FGF14: variants seen among roughly 807,000 people sequenced by gnomAD.
The protein encoded by FGF14 is fibroblast growth factor 14, also known as fibroblast growth factor homologous factor 4.
A neutral mutation model predicts 25.5 loss-of-function variants in FGF14; 5 were observed. The ratio of observed to expected loss-of-function variants is 0.20; its 90% CI spans 0.10 to 0.41. The LOEUF (loss-of-function observed/expected upper bound fraction) is 0.41. Ranked by LOEUF, FGF14 falls within the 10% of genes least tolerant of loss-of-function variation. FGF14 has a pLI of 1.00. For synonymous variants in FGF14, 138 were observed against 118.3 expected (o/e 1.17, Z -1.08); for missense variants, 222 against 320.1 (o/e 0.69, Z 2.34).
intron 1 of FGF14, among the ~76,000 whole-genome samples, chr13:102,167,622 T>G (rs1181737471): frequency 6.6e-6 from 1 of 152,174 alleles, no homozygotes; most frequent in East Asian, 1.9e-4. Context: ...ATTTTCACTG[T>G]TTTGCTACCT....
At chr13:102,031,651 T>A (rs777514702) in intron 1 of FGF14, among the ~76,000 whole-genome samples, 6 of 150,022 alleles carry the variant, frequency 4.0e-5, no homozygotes, top group Non-Finnish European at 8.9e-5. Flanking sequence ...ACAGATATAA[T>A]GAAAACATAA....
intron 3 of FGF14, among the ~76,000 whole-genome samples, chr13:101,858,229 T>TAAAAAAAA (rs35915119): frequency 7.1e-6 from 1 of 141,206 alleles, no homozygotes; most frequent in Non-Finnish European, 1.5e-5. Flanking sequence ...ATAATTATCT[T>TAAAAAAAA]AAAAAAAAAA....
intron 1 of FGF14, among the ~76,000 whole-genome samples, chr13:102,162,945 A>C (rs997723956): frequency 3.9e-5 from 6 of 152,172 alleles, no homozygotes; most frequent in African/African-American, 1.4e-4. Context: ...ACCGACACTA[A>C]GGGAGAAAAT....
chr13:102,048,099 T>C (rs1473661180), intron 1 of FGF14, among the ~76,000 whole-genome samples: 4 of 152,262 alleles, frequency 2.6e-5, no homozygotes, highest in Non-Finnish European at 5.9e-5. Flanking sequence ...AGAGTTTCTA[T>C]TCCATGAAAC....
chr13:102,400,304 C>G lies in FGF14; in HGVS notation c.208+1167G>C, dbSNP rs1209395468. ...GCGTCAGGAGCTTCCAGAGCCCGGG[C>G]TGCCACTGCGGGACGGCCGATCTGC... On this transcript the variant is annotated intron_variant, in intron 1 of 4. Transcript: ENST00000376131. The surrounding 1 kb of genome is among the most constrained non-coding windows in gnomAD (Gnocchi z 4.3). Among the ~76,000 whole-genome samples, 1 of 152,200 alleles carries G rather than the reference C, an allele frequency of 6.6e-6. No individual in the cohort carries two copies. The highest frequency in any genetic ancestry group is 1.5e-5 in the Non-Finnish European group (1 of 68,038).
At chr13:101,775,713 G>C (rs1388430019) in intron 3 of FGF14, among the ~76,000 whole-genome samples, 2 of 152,164 alleles carry the variant, frequency 1.3e-5, no homozygotes, top group Non-Finnish European at 2.9e-5. Context: ...GGATTTCCTG[G>C]AAGTTGGCAG....
At chr13:102,087,946 T>C (rs1359573404) in intron 1 of FGF14, among the ~76,000 whole-genome samples, 1 of 152,228 alleles carries the variant, frequency 6.6e-6, no homozygotes, top group Non-Finnish European at 1.5e-5. Context: ...GTTTGCCTGA[T>C]TGTAAAGCTC....
At chr13:101,857,119 C>T (rs2044166244) in intron 3 of FGF14, among the ~76,000 whole-genome samples, 1 of 151,904 alleles carries the variant, frequency 6.6e-6, no homozygotes, top group South Asian at 2.1e-4. Flanking sequence ...CAATATTCAC[C>T]AATTTATTGG....
intron 1 of FGF14, among the ~76,000 whole-genome samples, chr13:102,305,504 C>T (rs73581262): frequency 0.012 from 1,890 of 152,152 alleles, 39 homozygotes; most frequent in African/African-American, 0.043. Context: ...AATATCAAGA[C>T]CAGGACTAAA....
intron 1 of FGF14, among the ~76,000 whole-genome samples, chr13:102,247,090 C>T (rs372676317): frequency 1.1e-4 from 16 of 151,782 alleles, no homozygotes; most frequent in African/African-American, 2.2e-4. Flanking sequence ...AAGTTCAAGA[C>T]GGATTAAGAA....
chr13:102,175,969 G>C (rs536606571), intron 1 of FGF14, among the ~76,000 whole-genome samples: 41 of 152,114 alleles, frequency 2.7e-4, no homozygotes, highest in African/African-American at 9.6e-4. Flanking sequence ...ATTGTCGGTG[G>C]GAATGTAAAT....
intron 1 of FGF14, among the ~76,000 whole-genome samples, chr13:102,388,194 A>G (rs2058350235): frequency 6.6e-6 from 1 of 152,232 alleles, no homozygotes; most frequent in African/African-American, 2.4e-5. Context: ...TCAATACTAC[A>G]AAGTTGTTCA....
intron 1 of FGF14, among the ~76,000 whole-genome samples, chr13:102,012,644 A>G (rs1472694467): frequency 6.6e-6 from 1 of 152,176 alleles, no homozygotes; most frequent in African/African-American, 2.4e-5. Flanking sequence ...ACAAAGCAAA[A>G]CAAGTTAAAA....
At chr13:101,903,238 G>GGTGTGTGTGTGTGT (rs3065974) in intron 1 of FGF14, among the ~76,000 whole-genome samples, 6 of 149,586 alleles carry the variant, frequency 4.0e-5, no homozygotes, top group Admixed American at 1.3e-4. Flanking sequence ...CTCTAATTGT[G>GGTGTGTGTGTGTGT]GTGTGTGTGT....
At chr13:102,346,135 G>C (rs1289506912) in intron 1 of FGF14, among the ~76,000 whole-genome samples, 3 of 151,990 alleles carry the variant, frequency 2.0e-5, no homozygotes, top group Non-Finnish European at 4.4e-5. Flanking sequence ...TATTTTGGTT[G>C]AAATCAATAA....
chr13:102,348,017 A>T (rs1224168011), intron 1 of FGF14, among the ~76,000 whole-genome samples: 1 of 152,134 alleles, frequency 6.6e-6, no homozygotes, highest in Non-Finnish European at 1.5e-5. Flanking sequence ...AAAAAAAAAA[A>T]AAAGCAATCT....
chr13:101,930,093 G>C (rs2476230), intron 1 of FGF14, among the ~76,000 whole-genome samples: 58,696 of 152,006 alleles, frequency 0.39, 15,975 homozygotes, highest in African/African-American at 0.73. Flanking sequence ...ATATCAAAAG[G>C]CTTGCATTTC....
chr13:102,007,915 A>C (rs976929508), intron 1 of FGF14, among the ~76,000 whole-genome samples: 2 of 152,192 alleles, frequency 1.3e-5, no homozygotes, highest in Middle Eastern at 3.2e-3. Flanking sequence ...GAAATCAGGG[A>C]ATGGGTGTAT....
In FGF14 at chr13:101,733,591, CAAAAAAAA is replaced by C. The variant is rs553475621; in HGVS notation, c.409-6789_409-6782del. The stretch of plus-strand genomic sequence containing the variant: ...GCCTGGCGACAGAACAAGACTCCAT[CAAAAAAAA>C]AAAAAAAAAAAAAGAGAGAGAGGAG... On this transcript the variant is annotated intron_variant, in intron 3 of 4. Transcript: ENST00000376143. Among the ~76,000 whole-genome samples the C allele has an allele frequency of 8.2e-5, 8 of 97,354 alleles. No individual in the cohort carries two copies. The South Asian group carries it at 2.4e-3, about 30-fold the overall frequency. 63.9% of individuals were successfully genotyped at this position (97,354 alleles called of 152,430 possible).
Sources: gnomAD v4.1 joint callset for allele counts (sites outside exome capture counted in the v4.1 genomes callset) on GRCh38, gnomAD v4.1.1 for gene constraint, Gnocchi (gnomAD v3.1) non-coding constraint, MANE v1.5 for transcripts, NCBI Gene and HGNC (gene_info 2026-07-23, HGNC 2026-07-21) for gene names.